KCNT2: variants seen among roughly 807,000 people sequenced by gnomAD.
The protein encoded by KCNT2 is potassium sodium-activated channel subfamily T member 2.
KCNT2 carries 67 observed loss-of-function variants against 153.8 expected under a neutral mutation model. The observed-to-expected ratio is 0.44, with a 90% CI of 0.36 to 0.53. The LOEUF is 0.53. KCNT2 is among the 20% of genes least tolerant of loss of function. The probability of loss-of-function intolerance (pLI) is 0.00; values close to 1 mark genes in which losing one functional copy is unlikely to be tolerated. For missense variants in KCNT2, 975 were observed against 1,354.8 expected, an observed-to-expected ratio of 0.72 and a Z score of 4.40; for synonymous variants, 500 against 458.8, an observed-to-expected ratio of 1.09 and a Z score of -1.15.
intron 1 of KCNT2, among the ~76,000 whole-genome samples, chr1:196,530,289 A>G (rs1161408002): frequency 6.6e-6 from 1 of 152,014 alleles, no homozygotes; most frequent in African/African-American, 2.4e-5. Context: ...TAGAATATAA[A>G]TATTTTTTGA....
At chr1:196,431,049 C>T (rs775429667) in intron 8 of KCNT2, among the ~76,000 whole-genome samples, 1 of 152,136 alleles carries the variant, frequency 6.6e-6, no homozygotes, top group Non-Finnish European at 1.5e-5. Flanking sequence ...AGCTAGCCCT[C>T]TTTTTGCTCT....
intron 1 of KCNT2, among the ~76,000 whole-genome samples, chr1:196,579,884 C>A (rs1263249599): frequency 2.0e-5 from 3 of 152,134 alleles, no homozygotes; most frequent in Non-Finnish European, 2.9e-5. Flanking sequence ...ATACAGCTTT[C>A]ATTGGCTGGA....
chr1:196,340,251 C>G (rs1246074635), intron 16 of KCNT2, 90 bp downstream of exon 16: 1 of 837,398 alleles, frequency 1.2e-6, no homozygotes, highest in African/African-American at 1.7e-5. Flanking sequence ...TTTCTTTAAA[C>G]TTTTAATAAA....
intron 22 of KCNT2, among the ~76,000 whole-genome samples, chr1:196,293,129 A>G (rs1457836317): frequency 6.6e-6 from 1 of 152,172 alleles, no homozygotes; most frequent in Non-Finnish European, 1.5e-5. Context: ...AGATGACACA[A>G]ATAAATCTAA....
chr1:196,553,152 G>T (rs1658173901), intron 1 of KCNT2, among the ~76,000 whole-genome samples: 1 of 150,586 alleles, frequency 6.6e-6, no homozygotes, highest in East Asian at 1.9e-4. Flanking sequence ...AAGACCCAAT[G>T]ATCTACTGCT....
In KCNT2 at chr1:196,250,790, T is replaced by C. The variant is rs538415498; in HGVS notation, c.3211+7404A>G. ...CAACTTTATGTGAAATAATCTAGTA[T>C]TCAATTTAAAAATGGGCAAAAGAGA... On this transcript the variant is annotated intron_variant, in intron 26 of 27. Transcript: ENST00000294725. 5.3e-5 allele frequency among the ~76,000 whole-genome samples: 8 copies of C among 152,056 alleles called. No individual in the cohort carries two copies. In the South Asian group the frequency reaches 1.7e-3, roughly 32 times the overall value.
chr1:196,389,359 A>T (rs765823775), intron 13 of KCNT2, among the ~76,000 whole-genome samples: 9 of 151,026 alleles, frequency 6.0e-5, no homozygotes, highest in East Asian at 1.9e-4. Context: ...ATCACTATAA[A>T]TTTTTTTTTC....
intron 1 of KCNT2, among the ~76,000 whole-genome samples, chr1:196,587,375 A>T (rs1662812429): frequency 6.6e-6 from 1 of 152,068 alleles, no homozygotes; most frequent in Non-Finnish European, 1.5e-5. Context: ...AAACGCTGGA[A>T]GAGGGACCAA....
At chr1:196,308,477 A>T (rs930777372) in intron 21 of KCNT2, among the ~76,000 whole-genome samples, 3 of 152,026 alleles carry the variant, frequency 2.0e-5, no homozygotes, top group African/African-American at 4.8e-5. Context: ...TTAAAAGCCC[A>T]CTTTTGCCTA....
chr1:196,257,115 T>A (rs1398117212), intron 26 of KCNT2: 2 of 463,982 alleles, frequency 4.3e-6, no homozygotes, highest in Non-Finnish European at 5.7e-6. Flanking sequence ...CTTTAACTTC[T>A]GAAAGTCAAA....
At chr1:196,413,799 A>T (rs1017783160) in intron 12 of KCNT2, among the ~76,000 whole-genome samples, 6 of 151,554 alleles carry the variant, frequency 4.0e-5, no homozygotes, top group African/African-American at 1.5e-4. Context: ...ACACACATTT[A>T]TTTTTTGTAA....
At chr1:196,591,330 C>T (rs1191415895) in intron 1 of KCNT2, among the ~76,000 whole-genome samples, 1 of 152,046 alleles carries the variant, frequency 6.6e-6, no homozygotes, top group Non-Finnish European at 1.5e-5. Context: ...AAAAAGGATG[C>T]TGGTACCATG....
intron 8 of KCNT2, among the ~76,000 whole-genome samples, chr1:196,444,339 C>T (rs1030976149): frequency 3.3e-5 from 5 of 151,338 alleles, no homozygotes; most frequent in Admixed American, 2.6e-4. Context: ...TACAATAATA[C>T]AAAAGGTCAA....
intron 1 of KCNT2, among the ~76,000 whole-genome samples, chr1:196,495,282 T>C (rs995469415): frequency 1.3e-5 from 2 of 152,054 alleles, no homozygotes; most frequent in African/African-American, 2.4e-5. Context: ...TTTAATTTGA[T>C]TTAATGATAA....
At chr1:196,515,266 C>T (rs1681954749) in intron 1 of KCNT2, among the ~76,000 whole-genome samples, 1 of 152,194 alleles carries the variant, frequency 6.6e-6, no homozygotes, top group African/African-American at 2.4e-5. Context: ...ACTGAGAAGA[C>T]TGCCACCTTG....
intron 25 of KCNT2, among the ~76,000 whole-genome samples, chr1:196,280,471 A>G (rs1264034629): frequency 6.6e-6 from 1 of 152,348 alleles, no homozygotes; most frequent in East Asian, 1.9e-4. Context: ...TCAAAATGCT[A>G]ATATATGCAG....
chr1:196,532,673 C>T (rs1050910658), intron 1 of KCNT2, among the ~76,000 whole-genome samples: 2 of 151,924 alleles, frequency 1.3e-5, no homozygotes, highest in African/African-American at 2.4e-5. Flanking sequence ...TGAACTCTAG[C>T]GTGTTTAATG....
chr1:196,243,928 G>A (rs1177699042), intron 26 of KCNT2, among the ~76,000 whole-genome samples: 1 of 151,946 alleles, frequency 6.6e-6, no homozygotes, highest in Non-Finnish European at 1.5e-5. Context: ...ACAGCTGCAA[G>A]AGAGGCTTCT....
chr1:196,461,510 G>A (rs1204554874), intron 8 of KCNT2, among the ~76,000 whole-genome samples: 1 of 151,744 alleles, frequency 6.6e-6, no homozygotes, highest in African/African-American at 2.4e-5. Flanking sequence ...TTGAAGTAAA[G>A]TAGTTGCAAA....
Sources: allele counts gnomAD v4.1 joint callset (sites outside exome capture counted in the v4.1 genomes callset), GRCh38; gene constraint gnomAD v4.1.1; transcripts MANE v1.5; gene names NCBI Gene and HGNC (gene_info 2026-07-23, HGNC 2026-07-21).